Variants in TBC1D1 observed in about 807,000 individuals in gnomAD.
TBC1D1 encodes the protein TBC1 (tre-2/USP6, BUB2, cdc16) domain family, member 1.
Under a neutral mutation model 125.6 loss-of-function variants are expected in TBC1D1, and 89 were observed. That is an observed-to-expected ratio of 0.71 (90% confidence interval 0.60 to 0.85). The LOEUF (loss-of-function observed/expected upper bound fraction) is 0.85, where lower values mean the gene tolerates loss of function less well. Among genes scored for constraint, TBC1D1 ranks in the 40% least tolerant of loss-of-function variants. TBC1D1 has a pLI of 0.00. For missense variants in TBC1D1, 1,377 were observed against 1,469.2 expected (o/e 0.94, Z 1.03); for synonymous variants, 565 against 564.1 (o/e 1.00, Z -0.02).
At chr4:38,064,834 A>G (rs1753408361) in intron 12 of TBC1D1, among the ~76,000 whole-genome samples, 1 of 151,894 alleles carries the variant, frequency 6.6e-6, no homozygotes, top group African/African-American at 2.4e-5. Flanking sequence ...CACGTTGACC[A>G]GGATGGTCTT....
At chr4:38,080,922 T>C (rs572322516) in intron 12 of TBC1D1, among the ~76,000 whole-genome samples, 2 of 152,332 alleles carry the variant, frequency 1.3e-5, no homozygotes, top group South Asian at 2.1e-4. Context: ...ATGTTTCTTA[T>C]AAGGTTTTAT....
chr4:38,042,600 A>G (rs1748610158), intron 8 of TBC1D1, among the ~76,000 whole-genome samples: 1 of 152,100 alleles, frequency 6.6e-6, no homozygotes, highest in African/African-American at 2.4e-5. Context: ...AAGCCTCATG[A>G]CAGCTCTGCG....
intron 2 of TBC1D1, among the ~76,000 whole-genome samples, chr4:37,982,675 C>T (rs759303165): frequency 2.0e-5 from 3 of 152,100 alleles, no homozygotes; most frequent in Non-Finnish European, 4.4e-5. Context: ...CCCACCTAAT[C>T]CACAAATAGA....
intron 15 of TBC1D1, among the ~76,000 whole-genome samples, chr4:38,106,127 C>T (rs892590391): frequency 2.0e-5 from 3 of 152,110 alleles, no homozygotes; most frequent in African/African-American, 4.8e-5. Flanking sequence ...ATTATACCCT[C>T]GGCTTCTAGG....
intron 2 of TBC1D1, among the ~76,000 whole-genome samples, chr4:37,950,554 A>T (rs1449968078): frequency 1.3e-5 from 2 of 149,906 alleles, no homozygotes; most frequent in African/African-American, 4.9e-5. Flanking sequence ...GGCTACAGAT[A>T]TAGCCACCTG....
At chr4:37,979,589 A>G (rs1733936695) in intron 2 of TBC1D1, among the ~76,000 whole-genome samples, 1 of 152,236 alleles carries the variant, frequency 6.6e-6, no homozygotes, top group Non-Finnish European at 1.5e-5. Flanking sequence ...TGACTTCAGA[A>G]TGCCCCTTCA....
intron 18 of TBC1D1, among the ~76,000 whole-genome samples, chr4:38,131,429 CA>C: frequency 6.6e-6 from 1 of 152,262 alleles, no homozygotes; most frequent in Non-Finnish European, 1.5e-5. Context: ...ACGTGGCATC[CA>C]TTGATGATGG....
intron 12 of TBC1D1, among the ~76,000 whole-genome samples, chr4:38,088,316 T>C (rs1757885160): frequency 6.6e-6 from 1 of 152,232 alleles, no homozygotes; most frequent in Non-Finnish European, 1.5e-5. Flanking sequence ...CAGGAAAATA[T>C]TTTTTCCATC....
intron 18 of TBC1D1, among the ~76,000 whole-genome samples, chr4:38,127,353 T>C (rs1201580012): frequency 6.6e-6 from 1 of 151,834 alleles, no homozygotes; most frequent in African/African-American, 2.4e-5. Flanking sequence ...TCTGGCTATT[T>C]GGAAGTTGCC....
chr4:38,030,148 A>G (rs1745859702), intron 7 of TBC1D1, among the ~76,000 whole-genome samples: 1 of 152,224 alleles, frequency 6.6e-6, no homozygotes, highest in South Asian at 2.1e-4. Flanking sequence ...AGCTCTCCCT[A>G]AAACAGTGTG....
rs1766768805 is a variant in TBC1D1 at position 38,137,148 on chromosome 4, G to A, written c.3320G>A (p.Arg1107Lys). Reference sequence around the variant, plus strand: ...TTTATTCTCCAGGTGGCAAATGGTAGGATCCAAAGCCTTGAGGCCACCATT... The same window carrying A: ...TTTATTCTCCAGGTGGCAAATGGTAAGATCCAAAGCCTTGAGGCCACCATT... The change falls in exon 20 of 20, where the codon AGG becomes AAG. Residue 1107 changes from arginine to lysine, a missense_variant. Around this residue, in one of 3 missense-constraint regions of TBC1D1, gnomAD observed 543 missense variants for 613.5 expected, o/e 0.89. Transcript: ENST00000261439. 1 of 1,613,336 alleles carries A rather than the reference G, an allele frequency of 6.2e-7. No homozygotes were observed. Among genetic ancestry groups the A allele is most frequent in the African/African-American group, 1.3e-5 (1 of 74,882 alleles).
In TBC1D1 at chr4:38,052,199, G is replaced by A. The variant is rs573783046; in HGVS notation, c.1911-2000G>A. The A allele has an allele frequency of 1.7e-3, 1,148 of 692,084 alleles. 8 individuals are homozygous for A. The highest frequency in any genetic ancestry group is 7.6e-3 in the South Asian group (329 of 43,534). The allele number at this position is 692,084 out of a possible 1,614,324, so 42.9% of individuals were successfully genotyped here. ...TGTGTGTGTGTGTGTGTGTGTGCGC[G>A]CGCGTGTGTGTCTTTGTTTATATTT... On this transcript the variant is annotated intron_variant, in intron 11 of 19. Transcript: ENST00000261439.
chr4:37,905,828 A>G (rs981360791), intron 2 of TBC1D1, among the ~76,000 whole-genome samples: 2 of 152,124 alleles, frequency 1.3e-5, no homozygotes, highest in African/African-American at 4.8e-5. Context: ...TGGTAAAACT[A>G]TGTTTCATCA....
At chr4:38,019,636 A>G (rs2152434067) in intron 4 of TBC1D1, among the ~76,000 whole-genome samples, 1 of 152,322 alleles carries the variant, frequency 6.6e-6, no homozygotes, top group East Asian at 1.9e-4. Context: ...TCTCTGCATG[A>G]TGATGCTTTC....
chr4:38,019,170 G>C (rs1164301186), intron 4 of TBC1D1, among the ~76,000 whole-genome samples: 3 of 151,172 alleles, frequency 2.0e-5, no homozygotes, highest in Admixed American at 6.6e-5. Flanking sequence ...GGTTATATTT[G>C]CTTTTTTTTT....
At chr4:37,904,296 C>T (rs1036562633) in intron 2 of TBC1D1, among the ~76,000 whole-genome samples, 1 of 152,212 alleles carries the variant, frequency 6.6e-6, no homozygotes, top group Non-Finnish European at 1.5e-5. Context: ...TGAGTGCCTT[C>T]AGCTTTCAAA....
intron 2 of TBC1D1, among the ~76,000 whole-genome samples, chr4:37,938,443 A>G (rs1011658966): frequency 4.6e-5 from 7 of 152,172 alleles, no homozygotes; most frequent in African/African-American, 1.7e-4. Context: ...GTGCAAACAT[A>G]AGACACTTTG....
chr4:37,937,604 T>A (rs1724653247), intron 2 of TBC1D1, among the ~76,000 whole-genome samples: 1 of 152,136 alleles, frequency 6.6e-6, no homozygotes, highest in African/African-American at 2.4e-5. Context: ...CTGTGCAGTT[T>A]ATGAAACAAT....
intron 2 of TBC1D1, among the ~76,000 whole-genome samples, chr4:37,920,473 A>G (rs1228185190): frequency 6.6e-6 from 1 of 152,160 alleles, no homozygotes; most frequent in East Asian, 1.9e-4. Flanking sequence ...ATGAATGAGT[A>G]GGCATCTGTC....
Sources: allele counts gnomAD v4.1 joint callset (sites outside exome capture counted in the v4.1 genomes callset), GRCh38; gene constraint gnomAD v4.1.1; regional missense constraint gnomAD v4.1.1; transcripts MANE v1.5; gene names NCBI Gene and HGNC (gene_info 2026-07-23, HGNC 2026-07-21).